LUZP2: variants seen among roughly 807,000 people sequenced by gnomAD.
The protein encoded by LUZP2 is leucine zipper protein 2.
In LUZP2, 52 loss-of-function variants were observed where a neutral mutation model predicts 51.6. That is an observed-to-expected ratio of 1.01 (90% CI 0.81 to 1.27). LUZP2 has a LOEUF of 1.27. LUZP2 is among the 50% of genes most tolerant of loss of function. The probability of loss-of-function intolerance (pLI) is 0.00; values close to 1 mark genes in which losing one functional copy is unlikely to be tolerated. For missense variants in LUZP2, 436 were observed against 395.4 expected, an observed-to-expected ratio of 1.10 and a Z score of -0.87; for synonymous variants, 154 against 137.3, an observed-to-expected ratio of 1.12 and a Z score of -0.85.
At chr11:24,977,394 A>T (rs548645054) in intron 8 of LUZP2, among the ~76,000 whole-genome samples, 1 of 151,850 alleles carries the variant, frequency 6.6e-6, no homozygotes, top group African/African-American at 2.4e-5. Context: ...CAATGTAAAA[A>T]GATAATGTGT....
At chr11:24,998,693 G>A (rs975518025) in intron 9 of LUZP2, among the ~76,000 whole-genome samples, 1 of 152,076 alleles carries the variant, frequency 6.6e-6, no homozygotes, top group African/African-American at 2.4e-5. Flanking sequence ...TTGAAATCCT[G>A]TCTACCTATA....
intron 5 of LUZP2, among the ~76,000 whole-genome samples, chr11:24,787,873 G>T (rs936254668): frequency 6.6e-6 from 1 of 152,112 alleles, no homozygotes; most frequent in Admixed American, 6.6e-5. Flanking sequence ...AAGGAATCCT[G>T]CCTCAGCATC....
chr11:24,533,012 T>C (rs1168420206), intron 1 of LUZP2, among the ~76,000 whole-genome samples: 1 of 151,258 alleles, frequency 6.6e-6, no homozygotes, highest in Non-Finnish European at 1.5e-5. Flanking sequence ...TTGTTCTTTA[T>C]ATCTAACTTG....
At chr11:24,845,553 A>G (rs939677666) in intron 5 of LUZP2, among the ~76,000 whole-genome samples, 1 of 152,044 alleles carries the variant, frequency 6.6e-6, no homozygotes, top group Non-Finnish European at 1.5e-5. Context: ...GCAGAATGAT[A>G]CGGTTTGGCT....
chr11:24,764,749 G>A (rs1419995333), intron 5 of LUZP2, among the ~76,000 whole-genome samples: 2 of 151,926 alleles, frequency 1.3e-5, no homozygotes, highest in Non-Finnish European at 2.9e-5. Flanking sequence ...CAGTGCTTTG[G>A]GAGGCCAAGG....
intron 1 of LUZP2, among the ~76,000 whole-genome samples, chr11:24,600,427 CG>C (rs1207318142): frequency 1.3e-5 from 2 of 152,108 alleles, no homozygotes; most frequent in Non-Finnish European, 2.9e-5. Context: ...TTTAAGCCAC[CG>C]AATTTGTGGT....
chr11:24,996,419 T>A (rs1856499128), intron 9 of LUZP2, among the ~76,000 whole-genome samples: 1 of 151,848 alleles, frequency 6.6e-6, no homozygotes, highest in Non-Finnish European at 1.5e-5. Context: ...CATGAATAAT[T>A]CTTACATTCT....
intron 5 of LUZP2, among the ~76,000 whole-genome samples, chr11:24,866,808 G>A (rs1413166585): frequency 6.6e-6 from 1 of 152,160 alleles, no homozygotes; most frequent in Non-Finnish European, 1.5e-5. Context: ...TAGTGCAGAA[G>A]TGTAGAATGG....
At chr11:25,028,508 G>T (rs982943551) in intron 9 of LUZP2, among the ~76,000 whole-genome samples, 1 of 152,028 alleles carries the variant, frequency 6.6e-6, no homozygotes, top group East Asian at 1.9e-4. Flanking sequence ...TAGAACTGAA[G>T]AACATTATGT....
chr11:24,598,115 A>G (rs921223267), intron 1 of LUZP2, among the ~76,000 whole-genome samples: 9 of 151,816 alleles, frequency 5.9e-5, no homozygotes, highest in Admixed American at 2.0e-4. Flanking sequence ...AAAAAAAAAA[A>G]AGAGAGAGAC....
chr11:25,077,259 T>C, intron 10 of LUZP2, 70 bp from the exon 11 acceptor site: 1 of 1,102,270 alleles, frequency 9.1e-7, no homozygotes, highest in Non-Finnish European at 1.4e-6. Flanking sequence ...TTCAAGAGAG[T>C]GTTTTTGACT....
chr11:24,785,747 T>C, intron 5 of LUZP2: 1 of 385,144 alleles, frequency 2.6e-6, no homozygotes, highest in Non-Finnish European at 3.6e-6. Context: ...ACATATGTGC[T>C]ATTATATAAA....
At chr11:24,740,696 T>C (rs1859104261) in intron 4 of LUZP2, among the ~76,000 whole-genome samples, 1 of 152,154 alleles carries the variant, frequency 6.6e-6, no homozygotes, top group Non-Finnish European at 1.5e-5. Flanking sequence ...AAATTATATC[T>C]GGCATGTAGT....
chr11:25,060,746 T>C (rs940091319), intron 10 of LUZP2, among the ~76,000 whole-genome samples: 1 of 152,158 alleles, frequency 6.6e-6, no homozygotes, highest in African/African-American at 2.4e-5. Flanking sequence ...TAAAAAGCCA[T>C]ATAACAACAT....
At chr11:24,898,349 G>A (rs998982183) in intron 5 of LUZP2, among the ~76,000 whole-genome samples, 2 of 152,188 alleles carry the variant, frequency 1.3e-5, no homozygotes, top group Non-Finnish European at 2.9e-5. Context: ...TTAAGGCCGG[G>A]CGCGGTGGCT....
intron 1 of LUZP2, among the ~76,000 whole-genome samples, chr11:24,601,081 G>A (rs770394353): frequency 6.6e-6 from 1 of 151,986 alleles, no homozygotes; most frequent in Non-Finnish European, 1.5e-5. Flanking sequence ...TTTTCCTTAG[G>A]TGAAGACATA....
chr11:25,075,849 T>C (rs1409050181), intron 10 of LUZP2, among the ~76,000 whole-genome samples: 2 of 152,152 alleles, frequency 1.3e-5, no homozygotes, highest in African/African-American at 4.8e-5. Flanking sequence ...GTAGATTTAA[T>C]CTACTATAAA....
intron 5 of LUZP2, among the ~76,000 whole-genome samples, chr11:24,792,371 G>T (rs1174535286): frequency 6.6e-6 from 1 of 151,634 alleles, no homozygotes; most frequent in African/African-American, 2.4e-5. Context: ...AGATTGCAAT[G>T]AGCCAAGATT....
intron 9 of LUZP2, among the ~76,000 whole-genome samples, chr11:25,004,897 A>G (rs1856791618): frequency 6.6e-6 from 1 of 151,822 alleles, no homozygotes; most frequent in African/African-American, 2.4e-5. Context: ...GTATCTCCAA[A>G]CTCTCAGGCT....
Sources: gnomAD v4.1 joint callset for allele counts (sites outside exome capture counted in the v4.1 genomes callset) on GRCh38, gnomAD v4.1.1 for gene constraint, MANE v1.5 for transcripts, NCBI Gene and HGNC (gene_info 2026-07-23, HGNC 2026-07-21) for gene names.